Variants in MYO9A observed in about 807,000 individuals in gnomAD.
The protein encoded by MYO9A is myosin IXA, also known as unconventional myosin-IXa.
A neutral mutation model predicts 293.3 loss-of-function variants in MYO9A; 103 were observed. The ratio of observed to expected loss-of-function variants is 0.35; its 90% CI spans 0.30 to 0.41. The LOEUF is 0.41. Ranked by LOEUF, MYO9A falls within the 10% of genes least tolerant of loss-of-function variation. MYO9A has a pLI of 1.00. For synonymous variants in MYO9A, 1,001 were observed against 1,035.7 expected, an observed-to-expected ratio of 0.97 and a Z score of 0.64; for missense variants, 2,685 against 3,033.0, an observed-to-expected ratio of 0.89 and a Z score of 2.69.
At chr15:71,980,153 T>TA (rs1351194426) in intron 11 of MYO9A, among the ~76,000 whole-genome samples, 1 of 152,220 alleles carries the variant, frequency 6.6e-6, no homozygotes, top group Admixed American at 6.5e-5. Flanking sequence ...CTACTACTGA[T>TA]AGACACTGCT....
At chr15:71,930,541 C>T (rs138146320) in intron 18 of MYO9A, among the ~76,000 whole-genome samples, 6 of 152,080 alleles carry the variant, frequency 3.9e-5, no homozygotes, top group Admixed American at 6.5e-5. Context: ...TTTTCATTTG[C>T]GTGGGATACT....
chr15:71,836,277 A>ATATATATATATATATATATATAT (rs1567181551), intron 39 of MYO9A, among the ~76,000 whole-genome samples: 42 of 152,174 alleles, frequency 2.8e-4, no homozygotes, highest in African/African-American at 1.0e-3. Context: ...ATATATACAC[A>ATATATATATATATATATATATAT]CACATTATAC....
intron 1 of MYO9A, among the ~76,000 whole-genome samples, chr15:72,102,275 TG>T (rs2080380366): frequency 6.6e-6 from 1 of 150,530 alleles, no homozygotes; most frequent in African/African-American, 2.4e-5. Context: ...GTTAAACAGA[TG>T]CTTGAAGGCA....
intron 2 of MYO9A, among the ~76,000 whole-genome samples, chr15:72,040,478 G>T (rs2078195474): frequency 6.6e-6 from 1 of 152,302 alleles, no homozygotes; most frequent in South Asian, 2.1e-4. Flanking sequence ...TGAACAGCCT[G>T]TTAGGAGGAC....
chr15:71,916,325 G>A (rs1262490620), intron 19 of MYO9A, 45 bp downstream of exon 19: 4 of 1,589,532 alleles, frequency 2.5e-6, no homozygotes, highest in Non-Finnish European at 2.6e-6. Context: ...ATGACAATCT[G>A]AAAGATACAG....
chr15:71,972,998 T>C (rs779721674), intron 12 of MYO9A, among the ~76,000 whole-genome samples: 18 of 152,188 alleles, frequency 1.2e-4, no homozygotes, highest in Non-Finnish European at 2.4e-4. Context: ...CTATTATAAA[T>C]AAATAATCCC....
At chr15:71,833,496 CTA>C (rs2054812858) in intron 39 of MYO9A, among the ~76,000 whole-genome samples, 3 of 151,648 alleles carry the variant, frequency 2.0e-5, no homozygotes, top group Admixed American at 2.0e-4. Flanking sequence ...ATTGACAAAA[CTA>C]TTTTTAAAAA....
chr15:71,870,005 C>T (rs2056457956), intron 32 of MYO9A, among the ~76,000 whole-genome samples: 2 of 152,186 alleles, frequency 1.3e-5, no homozygotes, highest in Admixed American at 1.3e-4. Context: ...AACTTTACTT[C>T]TCAGCTTCTC....
At chr15:71,974,757 C>T (rs1391302831) in intron 12 of MYO9A, among the ~76,000 whole-genome samples, 1 of 152,164 alleles carries the variant, frequency 6.6e-6, no homozygotes, top group East Asian at 1.9e-4. Flanking sequence ...AAAAACAGCT[C>T]ACTAGTTCTG....
intron 30 of MYO9A, among the ~76,000 whole-genome samples, chr15:71,879,254 A>C (rs541185376): frequency 6.6e-6 from 1 of 152,366 alleles, no homozygotes; most frequent in Non-Finnish European, 1.5e-5. Context: ...GTATCATGTG[A>C]AAGTATAAGG....
chr15:71,891,794 A>C (rs564397947), intron 26 of MYO9A: 2 of 152,310 alleles, frequency 1.3e-5, no homozygotes, highest in East Asian at 3.9e-4. Context: ...TGTCACTTAA[A>C]AACTGGGTCT....
At chr15:71,910,116 G>GTA (rs148678984) in intron 19 of MYO9A, among the ~76,000 whole-genome samples, 10,620 of 136,192 alleles carry the variant, frequency 0.078, 1,380 homozygotes, top group African/African-American at 0.27. Flanking sequence ...ATATATACGT[G>GTA]TATATATACA....
chr15:72,100,882 C>G (rs1195783538), intron 1 of MYO9A, among the ~76,000 whole-genome samples: 3 of 145,854 alleles, frequency 2.1e-5, no homozygotes, highest in Admixed American at 6.7e-5. Flanking sequence ...GGGGGGTCAG[C>G]CCCCCGCCGG....
chr15:72,013,076 C>T (rs1474854068), intron 6 of MYO9A, among the ~76,000 whole-genome samples: 1 of 152,140 alleles, frequency 6.6e-6, no homozygotes, highest in Middle Eastern at 3.2e-3. Context: ...TTAATTTGGG[C>T]TCCCTGGGAG....
chr15:72,019,602 T>A (rs917561307), intron 5 of MYO9A, among the ~76,000 whole-genome samples: 4 of 152,170 alleles, frequency 2.6e-5, no homozygotes, highest in African/African-American at 9.7e-5. Context: ...TAATATTATA[T>A]CAGAAATGGA....
chr15:72,032,110 T>C (rs939843731), intron 3 of MYO9A, among the ~76,000 whole-genome samples: 19 of 152,090 alleles, frequency 1.2e-4, no homozygotes, highest in Non-Finnish European at 1.5e-5. Flanking sequence ...GTTTTCACTA[T>C]ATGTTGGTCA....
At chr15:72,013,144 A>C (rs1021198634) in intron 6 of MYO9A, among the ~76,000 whole-genome samples, 1 of 152,206 alleles carries the variant, frequency 6.6e-6, no homozygotes, top group Non-Finnish European at 1.5e-5. Context: ...TGAGAAAGTA[A>C]AAGAGAAGAC....
chr15:72,031,140 T>TC (rs2077855274), intron 3 of MYO9A, among the ~76,000 whole-genome samples: 1 of 152,004 alleles, frequency 6.6e-6, no homozygotes, highest in South Asian at 2.1e-4. Flanking sequence ...CATTCCTCCA[T>TC]CCCCCAGTCT....
At position 71,899,030 on chromosome 15, in the gene MYO9A, A is replaced by G; in HGVS notation, c.3473T>C (p.Phe1158Ser). 1 of 1,589,108 alleles carries G rather than the reference A, an allele frequency of 6.3e-7. No homozygotes were observed. Among genetic ancestry groups the G allele is most frequent in the Non-Finnish European group, 8.6e-7 (1 of 1,167,982 alleles). ...TAGCCTTTGTTCTTTTAAAGCTTTA[A>G]ATCTATATAAAAACAGACAAAATGG... ...TCRGFRARQRFKALKEQRLRE... is the reference protein window; with the variant it reads ...TCRGFRARQRSKALKEQRLRE... The change falls in exon 25 of 42, where the codon TTT becomes TCT. Residue 1158 changes from phenylalanine to serine, a missense_variant and splice_region_variant. Phe to Ser is a radical substitution (Grantham distance 155). Coordinates refer to ENST00000356056, the MANE Select transcript of MYO9A (RefSeq NM_006901.4).
Sources: gnomAD v4.1 joint callset for allele counts (sites outside exome capture counted in the v4.1 genomes callset) on GRCh38, gnomAD v4.1.1 for gene constraint, MANE v1.5 for transcripts, NCBI Gene and HGNC (gene_info 2026-07-23, HGNC 2026-07-21) for gene names.